Variants in KDM4C observed in about 807,000 individuals in gnomAD.
The protein encoded by KDM4C is lysine-specific demethylase 4C.
KDM4C carries 81 observed loss-of-function variants against 129.3 expected under a neutral mutation model. That is an observed-to-expected ratio of 0.63 (90% CI 0.52 to 0.75). The LOEUF is 0.75. KDM4C is among the 30% of genes least tolerant of loss of function. The probability of loss-of-function intolerance (pLI) is 0.00; values close to 1 mark genes in which losing one functional copy is unlikely to be tolerated. For missense variants in KDM4C, 1,457 were observed against 1,304.0 expected (o/e 1.12, Z -1.81); for synonymous variants, 573 against 456.1 (o/e 1.26, Z -3.26).
At chr9:6,895,931 T>C (rs1816350548) in intron 8 of KDM4C, among the ~76,000 whole-genome samples, 2 of 152,206 alleles carry the variant, frequency 1.3e-5, no homozygotes, top group East Asian at 3.8e-4. Flanking sequence ...TAAATTACCT[T>C]ACATTATAGT....
intron 8 of KDM4C, among the ~76,000 whole-genome samples, chr9:6,923,127 G>A (rs904106040): frequency 6.6e-6 from 1 of 151,898 alleles, no homozygotes; most frequent in African/African-American, 2.4e-5. Context: ...TACTCTTTAC[G>A]GGTTTGTAAA....
intron 17 of KDM4C, among the ~76,000 whole-genome samples, chr9:7,067,339 C>T (rs780511647): frequency 6.6e-6 from 1 of 152,230 alleles, no homozygotes; most frequent in Non-Finnish European, 1.5e-5. Flanking sequence ...AGATAAAGCA[C>T]AACAGTTTTT....
chr9:7,017,098 G>A (rs4742283), intron 15 of KDM4C, among the ~76,000 whole-genome samples: 58,343 of 151,790 alleles, frequency 0.38, 11,464 homozygotes, highest in South Asian at 0.51. Context: ...ACCATGCCTG[G>A]GTAATTTTTA....
intron 19 of KDM4C, among the ~76,000 whole-genome samples, chr9:7,156,360 T>A (rs1194603287): frequency 4.6e-5 from 7 of 152,182 alleles, no homozygotes; most frequent in African/African-American, 1.7e-4. Context: ...TAGTTTAATT[T>A]CATGCCATTT....
At chr9:6,935,593 T>G (rs1824634932) in intron 8 of KDM4C, among the ~76,000 whole-genome samples, 1 of 151,822 alleles carries the variant, frequency 6.6e-6, no homozygotes, top group African/African-American at 2.4e-5. Context: ...AATTTTTTTT[T>G]TTTTTGAGAT....
chr9:6,862,794 G>A (rs1289395566), intron 5 of KDM4C, among the ~76,000 whole-genome samples: 2 of 150,824 alleles, frequency 1.3e-5, no homozygotes, highest in Admixed American at 6.7e-5. Context: ...GTGACAGAGC[G>A]AGACTTTGTC....
chr9:6,725,706 CTTTTCT>C lies in KDM4C; in HGVS notation c.49+4714_49+4719del, dbSNP rs1467913243. 3.4e-3 allele frequency among the ~76,000 whole-genome samples: 339 copies of C among 99,396 alleles called. 2 individuals carry two copies. The highest frequency in any genetic ancestry group is 9.5e-3 in the African/African-American group (245 of 25,748). The allele number at this position is 99,396 out of a possible 152,430, so 65.2% of individuals were successfully genotyped here. On this transcript the variant is annotated intron_variant, in intron 1 of 17. Transcript: ENST00000536108. ...GGGTTTCTTTCTTTTCTTTTCTTTT[CTTTTCT>C]TTTTTTTTTTTTTTTGAGACAGAGT...
intron 8 of KDM4C, among the ~76,000 whole-genome samples, chr9:6,919,956 G>T (rs1436778861): frequency 2.6e-5 from 4 of 152,174 alleles, no homozygotes; most frequent in Non-Finnish European, 4.4e-5. Context: ...GTCAAAGTCA[G>T]TGGTCATTCA....
chr9:7,013,140 G>A (rs2132156411), intron 13 of KDM4C, among the ~76,000 whole-genome samples: 1 of 152,090 alleles, frequency 6.6e-6, no homozygotes, highest in South Asian at 2.1e-4. Context: ...AAAATAATAA[G>A]ATTTGTGGAG....
At chr9:6,968,568 T>A (rs1831407248) in intron 8 of KDM4C, among the ~76,000 whole-genome samples, 1 of 152,216 alleles carries the variant, frequency 6.6e-6, no homozygotes, top group African/African-American at 2.4e-5. Flanking sequence ...TCATAAAGAA[T>A]GTAAAAGAAA....
At chr9:7,018,449 C>T (rs745398325) in intron 15 of KDM4C, among the ~76,000 whole-genome samples, 3 of 152,154 alleles carry the variant, frequency 2.0e-5, no homozygotes, top group Admixed American at 1.3e-4. Flanking sequence ...CTTGACCATA[C>T]AAATATATCA....
intron 5 of KDM4C, among the ~76,000 whole-genome samples, chr9:6,877,828 A>T (rs1424653146): frequency 1.3e-5 from 2 of 152,210 alleles, no homozygotes; most frequent in Admixed American, 1.3e-4. Flanking sequence ...TGATGGTGAC[A>T]TTCCAGTTTT....
chr9:6,974,835 A>G (rs771906500), intron 8 of KDM4C: 22 of 152,202 alleles, frequency 1.4e-4, no homozygotes, highest in Non-Finnish European at 7.3e-5. Context: ...TCTACCCCCG[A>G]ATACTAAAGA....
intron 5 of KDM4C, among the ~76,000 whole-genome samples, chr9:6,854,116 A>T (rs939555477): frequency 6.6e-6 from 1 of 151,430 alleles, no homozygotes; most frequent in Admixed American, 6.6e-5. Flanking sequence ...TTCAGTGATT[A>T]AAAAAAAATG....
At chr9:6,750,520 A>G (rs1452856107) in intron 1 of KDM4C, among the ~76,000 whole-genome samples, 2 of 152,176 alleles carry the variant, frequency 1.3e-5, no homozygotes, top group Non-Finnish European at 2.9e-5. Flanking sequence ...AGGAAGTTGA[A>G]ATAGCCAAAA....
intron 8 of KDM4C, among the ~76,000 whole-genome samples, chr9:6,971,558 T>C (rs1831989362): frequency 6.6e-6 from 1 of 152,192 alleles, no homozygotes; most frequent in Non-Finnish European, 1.5e-5. Context: ...TAATGATTCA[T>C]TACATCAATG....
chr9:7,043,671 G>C (rs7037803), intron 15 of KDM4C, among the ~76,000 whole-genome samples: 97,529 of 151,426 alleles, frequency 0.64, 31,767 homozygotes, highest in South Asian at 0.72. Flanking sequence ...ACATGACTTT[G>C]GTTGTTTCCT....
At chr9:6,925,156 G>T (rs187142186) in intron 8 of KDM4C, 4 of 985,354 alleles carry the variant, frequency 4.1e-6, no homozygotes, top group Non-Finnish European at 4.8e-6. Context: ...TGCCTCACTG[G>T]AAGTCCTTAT....
In KDM4C at chr9:6,927,318, T is replaced by C. The variant is rs146753934; in HGVS notation, c.921+34086T>C. 1.2e-3 allele frequency among the ~76,000 whole-genome samples: 189 copies of C among 152,218 alleles called. 1 individual carries two copies. Among genetic ancestry groups the C allele is most frequent in the African/African-American group, 3.4e-3 (142 of 41,514 alleles). On this transcript the variant is annotated intron_variant, in intron 8 of 21. Coordinates refer to ENST00000381309, the MANE Select transcript of KDM4C (RefSeq NM_015061.6). ...CTAATTTTTGTGTTTTTAGTAGAGATGGTGTTTTGCCGTGTTGGCCAGGCT... is the reference window on the plus strand; with the variant it reads ...CTAATTTTTGTGTTTTTAGTAGAGACGGTGTTTTGCCGTGTTGGCCAGGCT...
Sources: gnomAD v4.1 joint callset for allele counts (sites outside exome capture counted in the v4.1 genomes callset) on GRCh38, gnomAD v4.1.1 for gene constraint, MANE v1.5 for transcripts, NCBI Gene and HGNC (gene_info 2026-07-23, HGNC 2026-07-21) for gene names.